Variants in ADGB observed in about 807,000 individuals in gnomAD.
ADGB encodes the protein calpain-7-like protein.
ADGB carries 172 observed loss-of-function variants against 210.5 expected under a neutral mutation model. The ratio of observed to expected loss-of-function variants is 0.82; its 90% CI spans 0.72 to 0.93. The LOEUF is 0.93. Ranked by LOEUF, ADGB falls within the 40% of genes least tolerant of loss-of-function variation. ADGB has a pLI of 0.00. For synonymous variants in ADGB, 658 were observed against 662.7 expected (o/e 0.99, Z 0.11); for missense variants, 2,025 against 1,964.8 (o/e 1.03, Z -0.58).
rs1185247175 is a variant in ADGB, at chr6:146,678,377, C to A, written c.1216+1936C>A. On this transcript the variant is annotated intron_variant, in intron 9 of 35. Transcript: ENST00000397944. ...AAGTAGCTGGGACTGCAGGCGCATG[C>A]CATTACACTTGGCTAATTCTTGTAT... Among the ~76,000 whole-genome samples, 3 of 152,148 alleles carry A rather than the reference C, an allele frequency of 2.0e-5. No homozygotes were observed. The East Asian group carries it at 5.8e-4, about 29-fold the overall frequency.
chr6:146,785,954 G>C (rs938289011), intron 32 of ADGB, among the ~76,000 whole-genome samples: 3 of 151,898 alleles, frequency 2.0e-5, no homozygotes, highest in Non-Finnish European at 4.4e-5. Flanking sequence ...ACTGTGCAAG[G>C]AGATGTGATT....
chr6:146,761,657 T>C (rs1325160785), intron 27 of ADGB, among the ~76,000 whole-genome samples: 1 of 152,104 alleles, frequency 6.6e-6, no homozygotes, highest in Non-Finnish European at 1.5e-5. Flanking sequence ...TATTTTCATA[T>C]TTAAGTATTT....
intron 1 of ADGB, among the ~76,000 whole-genome samples, chr6:146,613,522 T>C (rs1260561045): frequency 6.6e-6 from 1 of 152,138 alleles, no homozygotes; most frequent in African/African-American, 2.4e-5. Flanking sequence ...CTTAAGAAAA[T>C]AATGGCAAAA....
intron 2 of ADGB, chr6:146,638,772 T>TA (rs1775465735): frequency 6.6e-6 from 1 of 151,812 alleles, no homozygotes; most frequent in Non-Finnish European, 1.5e-5. Context: ...AAACTGTTCT[T>TA]AGAGTTATTT....
At chr6:146,739,085 A>G (rs1777124729) in intron 23 of ADGB, among the ~76,000 whole-genome samples, 1 of 152,202 alleles carries the variant, frequency 6.6e-6, no homozygotes. Context: ...TTAAACGGGT[A>G]GAATGTTTAA....
In ADGB at chr6:146,710,726, C is replaced by T. The variant is rs1055953373; in HGVS notation, c.1708-4656C>T. ...AAAAATTTAAATTATTGATTGTATT[C>T]GTTTTAAAGAGACAAAGATTATCCA... On this transcript the variant is annotated intron_variant, in intron 13 of 35. Transcript: ENST00000397944. Among the ~76,000 whole-genome samples the T allele has an allele frequency of 4.5e-4, 69 of 152,032 alleles. No individual in the cohort carries two copies. The East Asian group carries it at 8.5e-3, about 19-fold the overall frequency.
chr6:146,774,822 T>C (rs1777698133), intron 29 of ADGB, among the ~76,000 whole-genome samples: 1 of 152,174 alleles, frequency 6.6e-6, no homozygotes, highest in Non-Finnish European at 1.5e-5. Context: ...GTCTTTAATT[T>C]ATCCACTTAG....
At chr6:146,700,550 G>A (rs769203583) in intron 12 of ADGB, among the ~76,000 whole-genome samples, 4 of 152,132 alleles carry the variant, frequency 2.6e-5, no homozygotes, top group Admixed American at 1.3e-4. Context: ...GAATGTCACA[G>A]TTATAAACTT....
intron 13 of ADGB, among the ~76,000 whole-genome samples, chr6:146,710,471 G>C (rs1776643490): frequency 6.6e-6 from 1 of 151,972 alleles, no homozygotes; most frequent in Non-Finnish European, 1.5e-5. Flanking sequence ...AGAGACAGAA[G>C]GTATCCATAA....
chr6:146,776,505 A>G (rs955277161), intron 29 of ADGB, among the ~76,000 whole-genome samples: 5 of 152,144 alleles, frequency 3.3e-5, no homozygotes, highest in Non-Finnish European at 5.9e-5. Context: ...AAAATTTTGG[A>G]AATTATTTTA....
intron 33 of ADGB, among the ~76,000 whole-genome samples, chr6:146,799,322 G>A (rs1040809439): frequency 5.9e-5 from 9 of 151,920 alleles, no homozygotes; most frequent in Admixed American, 1.3e-4. Flanking sequence ...TACACTAACT[G>A]GGAAGAAAGA....
At chr6:146,811,907 C>A (rs1438116354) in intron 35 of ADGB, among the ~76,000 whole-genome samples, 1 of 152,124 alleles carries the variant, frequency 6.6e-6, no homozygotes, top group South Asian at 2.1e-4. Context: ...AACTCCTGAC[C>A]TCATGATCCG....
chr6:146,803,053 A>G, intron 35 of ADGB: 1 of 1,564,452 alleles, frequency 6.4e-7, no homozygotes, highest in Middle Eastern at 2.2e-4. Context: ...AGAAGCAACA[A>G]GTCTACACAG....
intron 35 of ADGB, chr6:146,803,825 A>T: frequency 4.0e-5 from 14 of 351,582 alleles, no homozygotes; most frequent in East Asian, 9.7e-5. Context: ...AGTCCCACTC[A>T]GGGCCATTCA....
At chr6:146,711,407 A>C in intron 13 of ADGB, among the ~76,000 whole-genome samples, 1 of 151,674 alleles carries the variant, frequency 6.6e-6, no homozygotes, top group Non-Finnish European at 1.5e-5. Flanking sequence ...GTCTTGCTTC[A>C]GTGCAAACTG....
chr6:146,611,818 T>C (rs1780715746), intron 1 of ADGB, among the ~76,000 whole-genome samples: 1 of 152,220 alleles, frequency 6.6e-6, no homozygotes, highest in African/African-American at 2.4e-5. Flanking sequence ...TTTGAGCCTG[T>C]ACATGTACTA....
chr6:146,735,754 T>C (rs1466907364), intron 22 of ADGB, among the ~76,000 whole-genome samples: 1 of 152,214 alleles, frequency 6.6e-6, no homozygotes, highest in Non-Finnish European at 1.5e-5. Flanking sequence ...TGTTCAACTA[T>C]TCAAAATGTT....
intron 5 of ADGB, 103 bp downstream of exon 5, chr6:146,657,083 G>A (rs1775793347): frequency 5.6e-6 from 6 of 1,076,884 alleles, no homozygotes; most frequent in Non-Finnish European, 8.0e-6. Flanking sequence ...ACTTTGGGAG[G>A]CAAAGGCCAA....
chr6:146,626,943 C>T (rs1293912275), intron 1 of ADGB, among the ~76,000 whole-genome samples: 1 of 151,830 alleles, frequency 6.6e-6, no homozygotes, highest in Non-Finnish European at 1.5e-5. Flanking sequence ...TGCTTATTTC[C>T]AATTTTTTTA....
Sources: gnomAD v4.1 joint callset for allele counts (sites outside exome capture counted in the v4.1 genomes callset) on GRCh38, gnomAD v4.1.1 for gene constraint, MANE v1.5 for transcripts, NCBI Gene and HGNC (gene_info 2026-07-23, HGNC 2026-07-21) for gene names.